The following ST3GAL3 variants were observed in gnomAD, a reference collection of about 807,000 sequenced individuals.
ST3GAL3 encodes the protein CMP-N-acetylneuraminate-beta-1,4-galactoside alpha-2,3-sialyltransferase.
In ST3GAL3, 21 loss-of-function variants were observed where a neutral mutation model predicts 50.1. The ratio of observed to expected loss-of-function variants is 0.42; its 90% confidence interval spans 0.30 to 0.60. The LOEUF (loss-of-function observed/expected upper bound fraction) is 0.60, where lower values mean the gene tolerates loss of function less well. Among genes scored for constraint, ST3GAL3 ranks in the 20% least tolerant of loss-of-function variants. The pLI is 0.19. For missense variants in ST3GAL3, 353 were observed against 489.4 expected (o/e 0.72, Z 2.63); for synonymous variants, 183 against 190.0 (o/e 0.96, Z 0.30).
Position 43,922,776 on chromosome 1 carries a change from G to A in ST3GAL3, c.1038+1848G>A, listed in dbSNP as rs1215075519. ...GATCATGCCACTGCACTCCAGCCTG[G>A]GCGACAGAGCAAGACTGTCTCAAAA... On this transcript the variant is annotated intron_variant, in intron 11 of 11. Coordinates refer to ENST00000347631, the MANE Select transcript of ST3GAL3 (RefSeq NM_006279.5). Among the ~76,000 whole-genome samples the A allele has an allele frequency of 2.7e-5, 4 of 147,296 alleles. No individual in the cohort carries two copies. The East Asian group carries it at 8.1e-4, about 30-fold the overall frequency.
chr1:43,718,567 A>G (rs1571269454), intron 1 of ST3GAL3, among the ~76,000 whole-genome samples: 1 of 151,750 alleles, frequency 6.6e-6, no homozygotes, highest in East Asian at 1.9e-4. Context: ...TTTTTACTGA[A>G]AGCCTTCCTA....
intron 3 of ST3GAL3, 49 bp from the exon 4 acceptor site, chr1:43,814,842 T>G (rs897645978): frequency 6.3e-7 from 1 of 1,586,190 alleles, no homozygotes; most frequent in Admixed American, 1.7e-5. Context: ...AATATGCTAG[T>G]ATCATCAGTG....
chr1:43,875,708 T>C (rs1271265230), intron 5 of ST3GAL3, among the ~76,000 whole-genome samples: 4 of 152,032 alleles, frequency 2.6e-5, no homozygotes, highest in Non-Finnish European at 5.9e-5. Flanking sequence ...TCCTGAGGCC[T>C]CCCCAGCCAT....
chr1:43,807,335 G>C (rs1357021649), intron 3 of ST3GAL3, among the ~76,000 whole-genome samples: 1 of 152,110 alleles, frequency 6.6e-6, no homozygotes, highest in Non-Finnish European at 1.5e-5. Flanking sequence ...AGCATTGCTT[G>C]AGCCCAGGGG....
At chr1:43,779,542 T>G (rs1410136943) in intron 2 of ST3GAL3, among the ~76,000 whole-genome samples, 1 of 152,188 alleles carries the variant, frequency 6.6e-6, no homozygotes, top group Non-Finnish European at 1.5e-5. Context: ...CCTCTGAATC[T>G]CTAATAACAA....
chr1:43,893,686 A>G (rs1244310755), intron 5 of ST3GAL3, among the ~76,000 whole-genome samples: 2 of 152,060 alleles, frequency 1.3e-5, no homozygotes, highest in African/African-American at 2.4e-5. Flanking sequence ...CTCCAGGCCC[A>G]GATCAACCCT....
chr1:43,879,517 T>G (rs2074732273), intron 5 of ST3GAL3: 1 of 424,888 alleles, frequency 2.4e-6, no homozygotes, highest in Admixed American at 2.6e-5. Flanking sequence ...GGTAAGTGGG[T>G]GAATTTAGAA....
intron 3 of ST3GAL3, chr1:43,801,194 C>T: frequency 4.5e-6 from 2 of 447,252 alleles, no homozygotes; most frequent in Admixed American, 4.8e-5. Flanking sequence ...TTATATACCT[C>T]AATAATGCTC....
chr1:43,817,217 T>C (rs2061344839), intron 4 of ST3GAL3, among the ~76,000 whole-genome samples: 1 of 152,238 alleles, frequency 6.6e-6, no homozygotes, highest in South Asian at 2.1e-4. Flanking sequence ...ACTCCCTTCC[T>C]ATGGTTTTAT....
At chr1:43,918,703 T>G (rs1016147221) in intron 9 of ST3GAL3, among the ~76,000 whole-genome samples, 1 of 152,116 alleles carries the variant, frequency 6.6e-6, no homozygotes, top group Non-Finnish European at 1.5e-5. Flanking sequence ...TTTGGATGGG[T>G]TTTTAGAATC....
intron 2 of ST3GAL3, among the ~76,000 whole-genome samples, chr1:43,788,959 C>A (rs1572888839): frequency 6.7e-6 from 1 of 148,458 alleles, no homozygotes. Flanking sequence ...TTTTTTAATG[C>A]AAACCTGCAG....
At chr1:43,909,052 T>C (rs2154282849) in intron 9 of ST3GAL3, among the ~76,000 whole-genome samples, 1 of 152,360 alleles carries the variant, frequency 6.6e-6, no homozygotes, top group South Asian at 2.1e-4. Flanking sequence ...GATGCTCCTC[T>C]TCTTATAAGC....
At chr1:43,727,666 A>C (rs1325974849) in intron 1 of ST3GAL3, among the ~76,000 whole-genome samples, 4 of 152,124 alleles carry the variant, frequency 2.6e-5, no homozygotes, top group Admixed American at 2.6e-4. Flanking sequence ...ATGAAACTAA[A>C]CCTATTCCTC....
chr1:43,860,772 A>G (rs2069713433), intron 5 of ST3GAL3, among the ~76,000 whole-genome samples: 1 of 152,186 alleles, frequency 6.6e-6, no homozygotes, highest in African/African-American at 2.4e-5. Flanking sequence ...GGAGGGATGT[A>G]GGCTATGTGG....
intron 9 of ST3GAL3, among the ~76,000 whole-genome samples, chr1:43,902,350 G>A (rs896523367): frequency 1.3e-4 from 20 of 152,300 alleles, no homozygotes; most frequent in Admixed American, 5.9e-4. Context: ...TACTACATGA[G>A]GAGTCTTTTA....
chr1:43,919,710 C>A, intron 9 of ST3GAL3: 1 of 153,928 alleles, frequency 6.5e-6, no homozygotes, highest in Non-Finnish European at 1.4e-5. Flanking sequence ...AAGAGAGAGA[C>A]TTGAAAGGAG....
chr1:43,835,643 C>A (rs759227336), intron 4 of ST3GAL3, among the ~76,000 whole-genome samples: 54 of 152,036 alleles, frequency 3.6e-4, no homozygotes, highest in Non-Finnish European at 1.8e-4. Flanking sequence ...AAGTACCTTG[C>A]CAAAAGTTGA....
intron 5 of ST3GAL3, among the ~76,000 whole-genome samples, chr1:43,874,551 G>T (rs751145279): frequency 1.3e-5 from 2 of 152,170 alleles, no homozygotes; most frequent in Non-Finnish European, 2.9e-5. Context: ...GTTTAATATG[G>T]ATAAACAACG....
chr1:43,713,091 G>A (rs866532291), intron 1 of ST3GAL3, among the ~76,000 whole-genome samples: 4 of 152,186 alleles, frequency 2.6e-5, no homozygotes, highest in Non-Finnish European at 4.4e-5. Flanking sequence ...TACTACACAA[G>A]AGTCATAAAA....
Sources: allele counts gnomAD v4.1 joint callset (sites outside exome capture counted in the v4.1 genomes callset), GRCh38; gene constraint gnomAD v4.1.1; transcripts MANE v1.5; gene names NCBI Gene and HGNC (gene_info 2026-07-23, HGNC 2026-07-21).